The following ARHGEF4 variants were observed in gnomAD, a reference collection of about 807,000 sequenced individuals.
ARHGEF4 encodes APC-stimulated guanine nucleotide exchange factor 1.
ARHGEF4 carries 119 observed loss-of-function variants against 162.0 expected under a neutral mutation model. The observed-to-expected ratio is 0.73, with a 90% CI of 0.63 to 0.86. The LOEUF (loss-of-function observed/expected upper bound fraction) is 0.86. Ranked by LOEUF, ARHGEF4 falls within the 40% of genes least tolerant of loss-of-function variation. The pLI, the probability that ARHGEF4 is intolerant of heterozygous loss-of-function variation, is 0.00. For missense variants in ARHGEF4, 2,488 were observed against 2,456.0 expected (o/e 1.01, Z -0.28); for synonymous variants, 1,014 against 979.9 (o/e 1.03, Z -0.65).
At chr2:130,837,737 G>T (rs1391056709) in intron 1 of ARHGEF4, 2 of 375,790 alleles carry the variant, frequency 5.3e-6, no homozygotes, top group Admixed American at 3.1e-5. Context: ...ACGCTGGGTG[G>T]TGCTGAGCTC....
chr2:130,915,756 G>A lies in ARHGEF4; in HGVS notation c.1810G>A (p.Gly604Ser). Residue 604 changes from glycine (G) to serine (S), a missense_variant, in exon 2 of 14, where the codon GGT (glycine) becomes AGT (serine). Transcript: ENST00000409359. ...VSHCGPGAEE[G>S]EQGPGGAGGR... ...TCACTGCGGCCCCGGGGCTGAGGAG[G>A]GTGAACAGGGGCCTGGGGGTGCCGG... 2 of 1,537,892 alleles carry A rather than the reference G, an allele frequency of 1.3e-6. No individual in the cohort carries two copies. The highest frequency in any genetic ancestry group is 1.2e-5 in the South Asian group (1 of 82,376).
At chr2:130,942,172 C>T (rs1433571734) in intron 3 of ARHGEF4, among the ~76,000 whole-genome samples, 5 of 115,502 alleles carry the variant, frequency 4.3e-5, no homozygotes, top group East Asian at 2.4e-4. Flanking sequence ...TTTTTTGAGA[C>T]GGAGTCTTGC....
At chr2:130,936,810 C>T (rs1682968072) in intron 3 of ARHGEF4, among the ~76,000 whole-genome samples, 1 of 150,944 alleles carries the variant, frequency 6.6e-6, no homozygotes, top group Non-Finnish European at 1.5e-5. Context: ...TGTGTAGATT[C>T]ATGTACTTTA....
chr2:130,915,293 C>T lies in ARHGEF4; in HGVS notation c.1347C>T (p.Leu449=). The T allele has an allele frequency of 6.4e-7, 1 of 1,550,600 alleles. No individual in the cohort carries two copies. Among genetic ancestry groups the T allele is most frequent in the Non-Finnish European group, 8.7e-7 (1 of 1,147,028 alleles). The change falls in exon 2 of 14, where the codon CTC becomes CTT. Residue 449 remains leucine, a synonymous_variant. Coordinates refer to ENST00000409359, the MANE Select transcript of ARHGEF4 (RefSeq NM_001367493.1). ...ASCLTSELVK[L]SAEEVPEPAE... is the part of the protein sequence containing the mutation. ...GCCTCACCTCAGAGTTAGTGAAGCTCAGTGCAGAGGAAGTGCCTGAGCCCG... is the reference window on the plus strand; with the variant it reads ...GCCTCACCTCAGAGTTAGTGAAGCTTAGTGCAGAGGAAGTGCCTGAGCCCG...
At chr2:130,955,074 T>C (rs1460884585) in intron 4 of ARHGEF4, among the ~76,000 whole-genome samples, 5 of 152,224 alleles carry the variant, frequency 3.3e-5, no homozygotes, top group Admixed American at 3.3e-4. Context: ...GTTGAGCCCT[T>C]CTAGTGAACT....
chr2:131,046,239 C>A lies in ARHGEF4; in HGVS notation c.*50C>A. On this transcript the variant is annotated 3_prime_UTR_variant, in exon 14 of 14. Coordinates refer to ENST00000409359, the MANE Select transcript of ARHGEF4 (RefSeq NM_001367493.1). Reference sequence around the variant, plus strand: ...GCTGGGCCTTCCTGCCAGTGGCCCCCAGTTTTTCTTCCCCGAGGCCCACTC... The same window carrying A: ...GCTGGGCCTTCCTGCCAGTGGCCCCAAGTTTTTCTTCCCCGAGGCCCACTC... The A allele has an allele frequency of 6.4e-7, 1 of 1,559,738 alleles. No individual in the cohort carries two copies. Among genetic ancestry groups the A allele is most frequent in the South Asian group, 1.2e-5 (1 of 86,930 alleles).
intron 1 of ARHGEF4, among the ~76,000 whole-genome samples, chr2:130,876,684 G>A (rs140227170): frequency 0.053 from 8,041 of 152,190 alleles, 454 homozygotes; most frequent in African/African-American, 0.14. Context: ...GAGCCACCGC[G>A]CCCAGCCATG....
chr2:131,029,941 T>TGG (rs1227019719), intron 5 of ARHGEF4, among the ~76,000 whole-genome samples: 2 of 152,176 alleles, frequency 1.3e-5, no homozygotes, highest in African/African-American at 4.8e-5. Context: ...CTGTCAGATG[T>TGG]GGGGCATGGA....
At chr2:130,843,551 G>A (rs959111497) in intron 1 of ARHGEF4, among the ~76,000 whole-genome samples, 2 of 152,034 alleles carry the variant, frequency 1.3e-5, no homozygotes, top group Admixed American at 6.6e-5. Flanking sequence ...GTGCTTCCTC[G>A]TGCTATAGGC....
intron 1 of ARHGEF4, among the ~76,000 whole-genome samples, chr2:130,889,018 G>A (rs1679688575): frequency 1.3e-5 from 2 of 151,542 alleles, no homozygotes; most frequent in South Asian, 2.1e-4. Flanking sequence ...GGCTGGAGAA[G>A]TGCTTGAACC....
At chr2:130,999,246 T>C (rs1389359368) in intron 4 of ARHGEF4, among the ~76,000 whole-genome samples, 2 of 150,550 alleles carry the variant, frequency 1.3e-5, no homozygotes, top group East Asian at 4.0e-4. Context: ...GCAATTCTCC[T>C]GGGTTCACGC....
intron 4 of ARHGEF4, among the ~76,000 whole-genome samples, chr2:131,000,163 TAAAC>T (rs1200053610): frequency 6.6e-6 from 1 of 152,246 alleles, no homozygotes; most frequent in African/African-American, 2.4e-5. Context: ...AATGAAGGAT[TAAAC>T]TTTTTAAAGT....
intron 6 of ARHGEF4, chr2:131,039,376 G>A (rs898917550): frequency 4.7e-5 from 51 of 1,085,468 alleles, no homozygotes; most frequent in South Asian, 7.4e-5. Flanking sequence ...ACACAGCCCC[G>A]GGAGTGGGAA....
chr2:130,865,376 A>G (rs1472058927), intron 1 of ARHGEF4, among the ~76,000 whole-genome samples: 1 of 152,224 alleles, frequency 6.6e-6, no homozygotes, highest in Non-Finnish European at 1.5e-5. Context: ...CTTGTATTAA[A>G]TGGAAATCTC....
At chr2:130,901,272 C>T (rs569899369) in intron 1 of ARHGEF4, among the ~76,000 whole-genome samples, 1 of 152,248 alleles carries the variant, frequency 6.6e-6, no homozygotes, top group South Asian at 2.1e-4. Context: ...ATAGCCTGAG[C>T]CTGGCAGGTG....
intron 4 of ARHGEF4, among the ~76,000 whole-genome samples, chr2:130,950,688 C>CCG (rs1683903465): frequency 7.0e-6 from 1 of 143,694 alleles, no homozygotes; most frequent in Non-Finnish European, 1.5e-5. Flanking sequence ...TAGCTATTAC[C>CCG]CCCCACCACC....
intron 1 of ARHGEF4, 91 bp from the exon 2 acceptor site, chr2:130,913,895 T>A: frequency 6.8e-7 from 1 of 1,466,922 alleles, no homozygotes; most frequent in Non-Finnish European, 9.1e-7. Context: ...TTTCTGAGCC[T>A]TCCTCCTTCT....
In ARHGEF4 at chr2:130,928,385, G is replaced by A. The variant is rs142583912; in HGVS notation, c.3553-2567G>A. Among the ~76,000 whole-genome samples the A allele has an allele frequency of 1.9e-3, 286 of 152,330 alleles. 3 individuals are homozygous for A. Among genetic ancestry groups the A allele is most frequent in the African/African-American group, 6.6e-3 (273 of 41,582 alleles). On this transcript the variant is annotated intron_variant, in intron 2 of 13. Transcript: ENST00000409359. Reference sequence around the variant, plus strand: ...CCCTGTTCACCATGCAGGTTTTCTTGTTATGCTGTTTTCATCCCAAACCTC... The same window carrying A: ...CCCTGTTCACCATGCAGGTTTTCTTATTATGCTGTTTTCATCCCAAACCTC...
chr2:131,046,157 A>G lies in ARHGEF4; in HGVS notation c.5599A>G (p.Ser1867Gly), dbSNP rs1331407605. Residue 1867 changes from serine to glycine, a missense_variant, in exon 14 of 14, where the codon AGC becomes GGC. Coordinates refer to ENST00000409359, the MANE Select transcript of ARHGEF4 (RefSeq NM_001367493.1). ...PRRKPSTFWHSISRLAPFRK is the reference protein window; with the variant it reads ...PRRKPSTFWHGISRLAPFRK ...GCGCAAGCCATCTACCTTCTGGCACAGCATCAGCCGGCTGGCACCCTTCCG... is the reference window on the plus strand; with the variant it reads ...GCGCAAGCCATCTACCTTCTGGCACGGCATCAGCCGGCTGGCACCCTTCCG... The G allele has an allele frequency of 7.4e-6, 12 of 1,612,782 alleles. No homozygotes were observed. The Admixed American group carries it at 8.3e-5, about 11-fold the overall frequency.
Sources: allele counts gnomAD v4.1 joint callset (sites outside exome capture counted in the v4.1 genomes callset), GRCh38; gene constraint gnomAD v4.1.1; transcripts MANE v1.5; gene names NCBI Gene and HGNC (gene_info 2026-07-23, HGNC 2026-07-21).